Variants in SPEN observed in about 807,000 individuals in gnomAD.
SPEN encodes the protein msx2-interacting protein.
SPEN carries 18 observed loss-of-function variants against 269.9 expected under a neutral mutation model. That is an observed-to-expected ratio of 0.07 (90% CI 0.05 to 0.10). The LOEUF is 0.10. SPEN is among the 10% of genes least tolerant of loss of function. SPEN has a pLI of 1.00. For synonymous variants in SPEN, 1,726 were observed against 1,765.7 expected (o/e 0.98, Z 0.56); for missense variants, 3,822 against 4,631.2 (o/e 0.83, Z 5.07).
chr1:15,938,913 C>T (rs773089504), intron 14 of SPEN, 37 bp downstream of exon 14: 4 of 1,602,338 alleles, frequency 2.5e-6, no homozygotes, highest in Non-Finnish European at 3.4e-6. Flanking sequence ...CATGTACACC[C>T]ACAGGTGGGG....
rs180832159 is a variant in SPEN, at chr1:15,925,168, T to G, written c.1850+2819T>G. 6.4e-3 allele frequency among the ~76,000 whole-genome samples: 977 copies of G among 152,310 alleles called. 8 individuals are homozygous for G. The highest frequency in any genetic ancestry group is 0.02 in the Middle Eastern group (6 of 294). On this transcript the variant is annotated intron_variant, in intron 10 of 14. Coordinates refer to ENST00000375759, the MANE Select transcript of SPEN (RefSeq NM_015001.3). ...CCCTTTTTATGGAAGGAACTTTTGC[T>G]AATAAGATCACAGGCCACTAAGGGG...
chr1:15,904,452 C>CAAAAAAAAAAAAAAAAAAA lies in SPEN; in HGVS notation c.882-4862_882-4844dup, dbSNP rs1215369183. ...GGGCAATAAGAGCGAAACTCCATCT[C>CAAAAAAAAAAAAAAAAAAA]AAAAAAAAAAAAAAAAAAAAAAAAA... is the stretch of plus-strand genomic sequence containing the variant. On this transcript the variant is annotated intron_variant, in intron 3 of 14. Transcript: ENST00000375759. Among the ~76,000 whole-genome samples the CAAAAAAAAAAAAAAAAAAA allele has an allele frequency of 1.2e-3, 58 of 48,614 alleles. 1 individual carries two copies. Among genetic ancestry groups the CAAAAAAAAAAAAAAAAAAA allele is most frequent in the Admixed American group, 1.7e-3 (5 of 2,950 alleles). 31.9% of individuals were successfully genotyped at this position (48,614 alleles called of 152,430 possible). A position where few individuals can be genotyped will look rare whatever the true frequency, so the allele number is the denominator to read the frequency against.
rs772298767 is a variant in SPEN at position 15,931,422 on chromosome 1, C to T, written c.5182C>T (p.Pro1728Ser). 3.1e-6 allele frequency: 5 copies of T among 1,614,162 alleles called. No homozygotes were observed. In the Admixed American group the frequency reaches 6.7e-5, roughly 22 times the overall value. Residue 1728 changes from proline to serine, a missense_variant, in exon 11 of 15, where the codon CCG (proline) becomes TCG (serine). Physicochemically the swap from Pro to Ser is moderately conservative, Grantham distance 74 (BLOSUM62 -1). Around this residue, in one of 16 missense-constraint regions of SPEN, gnomAD observed 533 missense variants for 618.8 expected, o/e 0.86. Transcript: ENST00000375759. The surrounding 1 kb of genome is among the most constrained non-coding windows in gnomAD (Gnocchi z 4.8). ...TGAGGAAGGTTCATCAGGTGACCAG[C>T]CGCCTTATCTGGATGCCAAGCCTCC... is the stretch of plus-strand genomic sequence containing the variant. ...GVEEGSSGDQPPYLDAKPPTP... is the reference protein window; with the variant it reads ...GVEEGSSGDQSPYLDAKPPTP...
chr1:15,849,701 G>A (rs1384813571), intron 1 of SPEN, among the ~76,000 whole-genome samples: 2 of 152,064 alleles, frequency 1.3e-5, no homozygotes, highest in Non-Finnish European at 2.9e-5. Context: ...GAAGCAGATG[G>A]GAACTTTCTC....
intron 3 of SPEN, among the ~76,000 whole-genome samples, chr1:15,884,735 CTTTCT>C (rs1265841806): frequency 1.3e-5 from 1 of 74,850 alleles, no homozygotes; most frequent in Non-Finnish European, 2.5e-5. Context: ...TTTTCTTTTT[CTTTCT>C]TTTTTTTTTT....
At chr1:15,877,161 C>T (rs2070639928) in intron 3 of SPEN, among the ~76,000 whole-genome samples, 1 of 152,132 alleles carries the variant, frequency 6.6e-6, no homozygotes, top group African/African-American at 2.4e-5. Flanking sequence ...ATTTTAACAT[C>T]AGGGTGGTAG....
At position 15,931,150 on chromosome 1, in the gene SPEN, T is replaced by C. The variant is rs116547444; in HGVS notation, c.4910T>C (p.Val1637Ala). The stretch of plus-strand genomic sequence containing the variant: ...TCAGAACTGAAAACTCCACCTTCCG[T>C]TGGGCCTCCAAGTGTCACAGTCGTA... ...KDSELKTPPS[V>A]GPPSVTVVTL... is the part of the protein sequence containing the mutation. The change falls in exon 11 of 15, where the codon GTT (valine) becomes GCT (alanine). Residue 1637 changes from valine to alanine, a missense_variant. By Grantham distance (64) the Val-to-Ala change is moderately conservative (BLOSUM62 0). Coordinates refer to ENST00000375759, the MANE Select transcript of SPEN (RefSeq NM_015001.3). This position sits in a 1 kb window ranked among gnomAD's most constrained non-coding sequence, Gnocchi z 4.8. 3,530 of 1,614,202 alleles carry C rather than the reference T, an allele frequency of 2.2e-3. 68 individuals are homozygous for C. In the African/African-American group the frequency reaches 0.039, roughly 18 times the overall value.
At position 15,934,461 on chromosome 1, in the gene SPEN, G is replaced by A. The variant is rs559925121; in HGVS notation, c.8221G>A (p.Val2741Ile). Reference protein sequence around the residue: ...AVNATASAVTVTAGAVTAASG... With the variant: ...AVNATASAVTITAGAVTAASG... Reference sequence around the variant, plus strand: ...GAATGCCACAGCAAGTGCAGTGACCGTCACAGCGGGTGCGGTTACTGCTGC... The same window carrying A: ...GAATGCCACAGCAAGTGCAGTGACCATCACAGCGGGTGCGGTTACTGCTGC... Residue 2741 changes from valine to isoleucine, a missense_variant, in exon 11 of 15, where the codon GTC becomes ATC. Val to Ile is a conservative substitution (Grantham distance 29). Coordinates refer to ENST00000375759, the MANE Select transcript of SPEN (RefSeq NM_015001.3). The surrounding 1 kb of genome is among the most constrained non-coding windows in gnomAD (Gnocchi z 9.2). The A allele has an allele frequency of 9.9e-5, 159 of 1,614,046 alleles. 1 individual carries two copies. The highest frequency in any genetic ancestry group is 2.4e-4 in the South Asian group (22 of 91,082).
At chr1:15,879,312 G>T (rs1401526819) in intron 3 of SPEN, among the ~76,000 whole-genome samples, 3 of 152,164 alleles carry the variant, frequency 2.0e-5, no homozygotes, top group Non-Finnish European at 2.9e-5. Flanking sequence ...GGAGAATGAT[G>T]CCTTCAGAGT....
At chr1:15,923,830 C>T (rs1049711596) in intron 10 of SPEN, among the ~76,000 whole-genome samples, 2 of 151,798 alleles carry the variant, frequency 1.3e-5, no homozygotes, top group Non-Finnish European at 2.9e-5. Flanking sequence ...CCACCATGCC[C>T]GGCTAATTTT....
rs754183397 is a variant in SPEN at position 15,932,020 on chromosome 1, C to A, written c.5780C>A (p.Pro1927Gln). 5.8e-5 allele frequency: 93 copies of A among 1,614,090 alleles called. No individual in the cohort carries two copies. Among genetic ancestry groups the A allele is most frequent in the Non-Finnish European group, 7.8e-5 (92 of 1,180,050 alleles). ...CCTGTCAAAGAGCCCGTTGAGCAAC[C>A]AAGAGTGACCAGAAAGAGATTGGAG... Reference protein sequence around the residue: ...RSPVKEPVEQPRVTRKRLERE... With the variant: ...RSPVKEPVEQQRVTRKRLERE... Residue 1927 changes from proline (P) to glutamine (Q), a missense_variant, in exon 11 of 15, where the codon CCA (proline) becomes CAA (glutamine). Pro to Gln is a moderately conservative substitution (Grantham distance 76, BLOSUM62 -1). Coordinates refer to ENST00000375759, the MANE Select transcript of SPEN (RefSeq NM_015001.3). This position sits in a 1 kb window ranked among gnomAD's most constrained non-coding sequence, Gnocchi z 4.2.
At chr1:15,867,441 GCCCAC>G (rs1344059511) in intron 1 of SPEN, among the ~76,000 whole-genome samples, 4 of 152,050 alleles carry the variant, frequency 2.6e-5, no homozygotes, top group Admixed American at 1.3e-4. Context: ...CAAGCAATCT[GCCCAC>G]CTTGGCTTCC....
intron 2 of SPEN, among the ~76,000 whole-genome samples, 191 bp from the exon 3 acceptor site, chr1:15,876,010 GC>G (rs2070627124): frequency 1.3e-5 from 2 of 152,158 alleles, no homozygotes; most frequent in Admixed American, 1.3e-4. Context: ...TGATTGCTCA[GC>G]TGTGAAAATA....
Position 15,936,185 on chromosome 1 carries a change from C to A in SPEN, c.9945C>A (p.His3315Gln). The change falls in exon 11 of 15, where the codon CAC (histidine) becomes CAA (glutamine). Residue 3315 changes from histidine (H) to glutamine (Q), a missense_variant. His to Gln is a conservative substitution (Grantham distance 24, BLOSUM62 0). This residue lies in a region of SPEN where 359 missense variants were observed against 377.3 expected (regional missense o/e 0.95). Transcript: ENST00000375759. ...EYRYGDIRTY[H>Q]PPAQLTHTQF... ...GGTACGGCGACATCCGCACCTACCA[C>A]CCCCCGGCCCAGCTCACACACACTC... 2 of 1,592,368 alleles carry A rather than the reference C, an allele frequency of 1.3e-6. No individual in the cohort carries two copies. The highest frequency in any genetic ancestry group is 1.7e-6 in the Non-Finnish European group (2 of 1,165,206).
In SPEN at chr1:15,848,211, C is replaced by T; in HGVS notation, c.83+61C>T. ...TCGGGCGCCGCTTCCCGCCCCGGCCCGTTGCCGGCCCCTCCCGGAGCGCGG... is the reference window on the plus strand; with the variant it reads ...TCGGGCGCCGCTTCCCGCCCCGGCCTGTTGCCGGCCCCTCCCGGAGCGCGG... On this transcript the variant is annotated intron_variant, in intron 1 of 14. Transcript: ENST00000375759. The surrounding 1 kb of genome is among the most constrained non-coding windows in gnomAD (Gnocchi z 5.1). The T allele has an allele frequency of 3.2e-6, 4 of 1,245,332 alleles. No individual in the cohort carries two copies. Among genetic ancestry groups the T allele is most frequent in the African/African-American group, 1.6e-5 (1 of 63,992 alleles). 77.1% of individuals were successfully genotyped at this position (1,245,332 alleles called of 1,614,324 possible).
intron 5 of SPEN, 38 bp downstream of exon 5, chr1:15,911,339 C>T: frequency 1.3e-6 from 2 of 1,556,168 alleles, no homozygotes; most frequent in South Asian, 2.2e-5. Context: ...TTACTCATCA[C>T]ACACACTGTT....
intron 3 of SPEN, among the ~76,000 whole-genome samples, chr1:15,879,915 C>T (rs531588412): frequency 1.3e-5 from 2 of 152,232 alleles, no homozygotes; most frequent in East Asian, 3.9e-4. Flanking sequence ...CGCCATCCGC[C>T]CGCCTCGACC....
At chr1:15,877,237 A>G (rs541430749) in intron 3 of SPEN, among the ~76,000 whole-genome samples, 3 of 152,264 alleles carry the variant, frequency 2.0e-5, no homozygotes, top group African/African-American at 7.2e-5. Flanking sequence ...TGTTCTGTAA[A>G]CTGATCTCAC....
Position 15,935,024 on chromosome 1 carries a change from A to C in SPEN, c.8784A>C (p.Thr2928=). 1.2e-6 allele frequency: 2 copies of C among 1,613,958 alleles called. No homozygotes were observed. The highest frequency in any genetic ancestry group is 1.7e-6 in the Non-Finnish European group (2 of 1,179,940). The change falls in exon 11 of 15, where the codon ACA becomes ACC. Residue 2928 remains threonine (T), a synonymous_variant. Coordinates refer to ENST00000375759, the MANE Select transcript of SPEN (RefSeq NM_015001.3). The surrounding 1 kb of genome is among the most constrained non-coding windows in gnomAD (Gnocchi z 7.7). ...CCACGCCTGTCACCCAGGGAGGCAC[A>C]GTGAAGGTTCTCACCCAGGGGATCA... is the stretch of plus-strand genomic sequence containing the variant. ...SVSTPVTQGG[T]VKVLTQGINT... is the part of the protein sequence containing the mutation.
Sources: gnomAD v4.1 joint callset for allele counts (sites outside exome capture counted in the v4.1 genomes callset) on GRCh38, gnomAD v4.1.1 for gene constraint, gnomAD v4.1.1 regional missense constraint, Gnocchi (gnomAD v3.1) non-coding constraint, MANE v1.5 for transcripts, NCBI Gene and HGNC (gene_info 2026-07-23, HGNC 2026-07-21) for gene names.